RGS10: variants seen among roughly 807,000 people sequenced by gnomAD.
The protein encoded by RGS10 is regulator of G-protein signalling 10.
RGS10 carries 11 observed loss-of-function variants against 23.5 expected under a neutral mutation model. The ratio of observed to expected loss-of-function variants is 0.47; its 90% CI spans 0.29 to 0.77. The LOEUF (loss-of-function observed/expected upper bound fraction) is 0.77, where lower values mean the gene tolerates loss of function less well. RGS10 is among the 30% of genes least tolerant of loss of function. The pLI is 0.08. For synonymous variants in RGS10, 77 were observed against 83.2 expected, an observed-to-expected ratio of 0.92 and a Z score of 0.41; for missense variants, 180 against 226.3, an observed-to-expected ratio of 0.80 and a Z score of 1.31.
chr10:119,504,711 G>T (rs1198951886), intron 4 of RGS10, among the ~76,000 whole-genome samples: 1 of 152,170 alleles, frequency 6.6e-6, no homozygotes, highest in Non-Finnish European at 1.5e-5. Context: ...GGGACACACT[G>T]AGGGAAGAAG....
chr10:119,537,355 G>A (rs7101058), intron 1 of RGS10, among the ~76,000 whole-genome samples: 81,491 of 148,570 alleles, frequency 0.55, 22,978 homozygotes, highest in Non-Finnish European at 0.62. Context: ...GCACTCCAGC[G>A]TGGGCAACAA....
At chr10:119,536,368 T>C in intron 1 of RGS10, 2 of 1,136,026 alleles carry the variant, frequency 1.8e-6, no homozygotes, top group Non-Finnish European at 1.3e-6. Flanking sequence ...TGCACCTCTG[T>C]GTCCTCACAG....
At chr10:119,503,339 C>CAAA (rs550253387) in intron 4 of RGS10, among the ~76,000 whole-genome samples, 2 of 103,528 alleles carry the variant, frequency 1.9e-5, no homozygotes, top group Non-Finnish European at 2.1e-5. Flanking sequence ...GACCCTGTCT[C>CAAA]AAAAAAAAAA....
At chr10:119,503,498 G>A (rs532944447) in intron 4 of RGS10, among the ~76,000 whole-genome samples, 5 of 152,290 alleles carry the variant, frequency 3.3e-5, no homozygotes, top group East Asian at 1.9e-4. Flanking sequence ...GAAATCGTGC[G>A]CTGTGCAGCA....
intron 4 of RGS10, among the ~76,000 whole-genome samples, chr10:119,509,969 G>A (rs1166533952): frequency 6.6e-6 from 1 of 151,978 alleles, no homozygotes; most frequent in African/African-American, 2.4e-5. Flanking sequence ...GGGGGGAGAG[G>A]GGAGGGGCAG....
At chr10:119,518,743 C>T (rs140216973) in intron 3 of RGS10, among the ~76,000 whole-genome samples, 11,330 of 151,442 alleles carry the variant, frequency 0.075, 988 homozygotes, top group African/African-American at 0.21. Context: ...GTCTCACTGT[C>T]GCCCAGGCTG....
At chr10:119,521,625 A>AG (rs1564712897) in intron 3 of RGS10, among the ~76,000 whole-genome samples, 31 of 33,514 alleles carry the variant, frequency 9.2e-4, no homozygotes, top group Non-Finnish European at 1.5e-3. Flanking sequence ...AAGGAAGGAA[A>AG]GAAAGGAAGG....
chr10:119,516,251 CAAA>C (rs34362335), intron 3 of RGS10: 6,463 of 133,956 alleles, frequency 0.048, 250 homozygotes, highest in East Asian at 0.21. Context: ...GACTGTCTCT[CAAA>C]AAAAAAAAAA....
intron 4 of RGS10, among the ~76,000 whole-genome samples, chr10:119,510,757 T>C (rs758299348): frequency 6.6e-6 from 1 of 152,218 alleles, no homozygotes; most frequent in Non-Finnish European, 1.5e-5. Context: ...CTCGCTCTGT[T>C]ACCCAGGCTA....
At chr10:119,518,132 C>G (rs1844167396) in intron 3 of RGS10, among the ~76,000 whole-genome samples, 1 of 152,256 alleles carries the variant, frequency 6.6e-6, no homozygotes, top group African/African-American at 2.4e-5. Context: ...TAACCCTATT[C>G]TAGCTACTGT....
chr10:119,537,987 T>C (rs1438305709), intron 1 of RGS10, among the ~76,000 whole-genome samples: 1 of 152,188 alleles, frequency 6.6e-6, no homozygotes, highest in Non-Finnish European at 1.5e-5. Flanking sequence ...ATTCTGTGGA[T>C]CAGGACAGCT....
Position 119,517,165 on chromosome 10 carries a change from G to A in RGS10, c.256-1513C>T, listed in dbSNP as rs999563717. ...ATAGCTGGGGCATGAAAGGAAGGAA[G>A]GGTAGCCCTTTTTTAGTTCAGGGCA... On this transcript the variant is annotated intron_variant, in intron 3 of 4. Coordinates refer to ENST00000369103, the MANE Select transcript of RGS10 (RefSeq NM_001005339.2). This position sits in a 1 kb window ranked among gnomAD's most constrained non-coding sequence, Gnocchi z 5.0. 1.3e-5 allele frequency among the ~76,000 whole-genome samples: 2 copies of A among 152,216 alleles called. No individual in the cohort carries two copies. The highest frequency in any genetic ancestry group is 2.9e-5 in the Non-Finnish European group (2 of 68,036).
chr10:119,536,763 C>T (rs1028087744), intron 1 of RGS10, among the ~76,000 whole-genome samples: 4 of 152,118 alleles, frequency 2.6e-5, no homozygotes, highest in Non-Finnish European at 2.9e-5. Flanking sequence ...AGCCCTAGCC[C>T]GAAAACAAAG....
At chr10:119,505,677 AG>A (rs753711206) in intron 4 of RGS10, among the ~76,000 whole-genome samples, 1 of 152,214 alleles carries the variant, frequency 6.6e-6, no homozygotes, top group Non-Finnish European at 1.5e-5. Context: ...GTGCCGCTCC[AG>A]GAAAGGACGT....
chr10:119,527,574 A>T lies in RGS10; in HGVS notation c.50-150T>A, dbSNP rs1844290625. On this transcript the variant is annotated intron_variant, in intron 1 of 4. Coordinates refer to ENST00000369103, the MANE Select transcript of RGS10 (RefSeq NM_001005339.2). The surrounding 1 kb of genome is among the most constrained non-coding windows in gnomAD (Gnocchi z 4.2). ...CTGTTCTAGGTGCTTAACATGATGG[A>T]CTCATTCTTGTCACACAACCCTGTA... 1.5e-6 allele frequency: 1 copy of T among 647,458 alleles called. No homozygotes were observed. Among genetic ancestry groups the T allele is most frequent in the South Asian group, 1.8e-5 (1 of 54,622 alleles). The allele number at this position is 647,458 out of a possible 1,614,324, so 40.1% of individuals were successfully genotyped here.
chr10:119,504,469 C>T (rs1404909034), intron 4 of RGS10, among the ~76,000 whole-genome samples: 1 of 152,206 alleles, frequency 6.6e-6, no homozygotes, highest in Non-Finnish European at 1.5e-5. Context: ...AGCCACCACG[C>T]CCGGCTCCAA....
At chr10:119,532,244 T>A (rs924416678) in intron 1 of RGS10, among the ~76,000 whole-genome samples, 1 of 152,216 alleles carries the variant, frequency 6.6e-6, no homozygotes, top group Non-Finnish European at 1.5e-5. Context: ...CAGATCTTGA[T>A]GAGACAGCAT....
At chr10:119,502,851 A>G (rs964331375) in intron 4 of RGS10, among the ~76,000 whole-genome samples, 4 of 152,226 alleles carry the variant, frequency 2.6e-5, no homozygotes, top group Non-Finnish European at 5.9e-5. Context: ...GTGCTGCTGC[A>G]GTGACTGGGA....
chr10:119,534,859 C>T (rs576415962), intron 1 of RGS10, among the ~76,000 whole-genome samples: 16 of 151,774 alleles, frequency 1.1e-4, no homozygotes, highest in Admixed American at 2.0e-4. Context: ...CACTGCACTC[C>T]AGCCTGGTGA....
Sources: allele counts gnomAD v4.1 joint callset (sites outside exome capture counted in the v4.1 genomes callset), GRCh38; gene constraint gnomAD v4.1.1; non-coding constraint Gnocchi (gnomAD v3.1); transcripts MANE v1.5; gene names NCBI Gene and HGNC (gene_info 2026-07-23, HGNC 2026-07-21).